RNF180: variants seen among roughly 807,000 people sequenced by gnomAD.
RNF180 encodes the protein E3 ubiquitin-protein ligase RNF180.
A neutral mutation model predicts 59.2 loss-of-function variants in RNF180; 38 were observed. The ratio of observed to expected loss-of-function variants is 0.64; its 90% CI spans 0.50 to 0.84. The LOEUF (loss-of-function observed/expected upper bound fraction) is 0.84. Ranked by LOEUF, RNF180 falls within the 40% of genes least tolerant of loss-of-function variation. The pLI is 0.00. For missense variants in RNF180, 705 were observed against 700.9 expected (o/e 1.01, Z -0.07); for synonymous variants, 262 against 240.3 (o/e 1.09, Z -0.84).
chr5:64,302,289 T>G lies in RNF180; in HGVS notation c.1228-22897T>G, dbSNP rs527278735. 4.6e-5 allele frequency among the ~76,000 whole-genome samples: 7 copies of G among 151,784 alleles called. 1 individual carries two copies. The highest frequency in any genetic ancestry group is 1.7e-4 in the African/African-American group (7 of 41,496). The stretch of plus-strand genomic sequence containing the variant: ...TAGCAATTTTGAAATCCCACTGATA[T>G]ATGTTGTGAAGGAATCCTACATTGT... On this transcript the variant is annotated intron_variant, in intron 5 of 7. Transcript: ENST00000389100.
intron 5 of RNF180, among the ~76,000 whole-genome samples, chr5:64,271,376 C>G (rs1204240368): frequency 6.6e-6 from 1 of 151,822 alleles, no homozygotes; most frequent in African/African-American, 2.4e-5. Flanking sequence ...ATTTTCATGA[C>G]CAAAGTATGA....
chr5:64,342,419 AC>A (rs370299307), intron 7 of RNF180, among the ~76,000 whole-genome samples: 157 of 152,262 alleles, frequency 1.0e-3, no homozygotes, highest in African/African-American at 3.6e-3. Flanking sequence ...AACCATAGAG[AC>A]TGACATGTCG....
At chr5:64,248,112 G>T (rs765084491) in intron 5 of RNF180, among the ~76,000 whole-genome samples, 1 of 152,024 alleles carries the variant, frequency 6.6e-6, no homozygotes, top group Non-Finnish European at 1.5e-5. Flanking sequence ...TTAACTCAAG[G>T]TGGATTAAAG....
At chr5:64,326,259 T>TA (rs200506742) in intron 6 of RNF180, among the ~76,000 whole-genome samples, 73 of 149,856 alleles carry the variant, frequency 4.9e-4, no homozygotes, top group African/African-American at 9.5e-4. Flanking sequence ...TTTATTCTGG[T>TA]AAAAAAAAAA....
chr5:64,272,127 G>A (rs1356241860), intron 5 of RNF180, among the ~76,000 whole-genome samples: 2 of 152,038 alleles, frequency 1.3e-5, no homozygotes, highest in Middle Eastern at 3.2e-3. Context: ...TAGTGAGAGT[G>A]GCACACATTA....
At chr5:64,222,288 T>C (rs1477913780) in intron 5 of RNF180, among the ~76,000 whole-genome samples, 6 of 149,460 alleles carry the variant, frequency 4.0e-5, no homozygotes, top group Non-Finnish European at 9.0e-5. Flanking sequence ...CTTCCAGCTA[T>C]GTTTTTTTTT....
At chr5:64,277,140 A>C (rs1361458680) in intron 5 of RNF180, among the ~76,000 whole-genome samples, 1 of 151,124 alleles carries the variant, frequency 6.6e-6, no homozygotes, top group African/African-American at 2.4e-5. Context: ...TTAAGGTTAA[A>C]TGAAGTTAGG....
chr5:64,186,256 A>C (rs2111976286), intron 1 of RNF180, among the ~76,000 whole-genome samples: 1 of 152,324 alleles, frequency 6.6e-6, no homozygotes, highest in Admixed American at 6.5e-5. Context: ...TGATACATCA[A>C]GAAGAATATA....
In RNF180 at chr5:64,174,909, T is replaced by C. The variant is rs149070871; in HGVS notation, c.-1+8956T>C. 6.4e-3 allele frequency among the ~76,000 whole-genome samples: 969 copies of C among 152,048 alleles called. 8 individuals carry two copies. The highest frequency in any genetic ancestry group is 9.3e-3 in the Non-Finnish European group (635 of 67,958). ...ATAAAGCATTTCCCTCATGTTTTCTTCTGGTAGTTTGATAGGTTCCGGTTT... is the reference window on the plus strand; with the variant it reads ...ATAAAGCATTTCCCTCATGTTTTCTCCTGGTAGTTTGATAGGTTCCGGTTT... On this transcript the variant is annotated intron_variant, in intron 1 of 7. Coordinates refer to ENST00000389100, the MANE Select transcript of RNF180 (RefSeq NM_001113561.2).
intron 7 of RNF180, among the ~76,000 whole-genome samples, chr5:64,339,023 T>C (rs1580277579): frequency 6.6e-6 from 1 of 152,104 alleles, no homozygotes; most frequent in South Asian, 2.1e-4. Context: ...TTTATATATC[T>C]TTTTGCTGAG....
intron 7 of RNF180, among the ~76,000 whole-genome samples, chr5:64,364,857 C>T (rs1460358354): frequency 6.6e-6 from 1 of 151,380 alleles, no homozygotes; most frequent in Non-Finnish European, 1.5e-5. Flanking sequence ...TGTATGCATA[C>T]AAGTGTCCGT....
chr5:64,208,576 G>A (rs974113585), intron 2 of RNF180, among the ~76,000 whole-genome samples: 5 of 151,886 alleles, frequency 3.3e-5, no homozygotes, highest in African/African-American at 1.2e-4. Flanking sequence ...AATTATATTG[G>A]AAATAAATAT....
At chr5:64,244,540 A>G (rs908771172) in intron 5 of RNF180, among the ~76,000 whole-genome samples, 2 of 152,212 alleles carry the variant, frequency 1.3e-5, no homozygotes, top group Non-Finnish European at 2.9e-5. Context: ...ACATTAGAGA[A>G]AAAAGAATGA....
At chr5:64,318,956 A>C (rs973579839) in intron 5 of RNF180, among the ~76,000 whole-genome samples, 2 of 152,142 alleles carry the variant, frequency 1.3e-5, no homozygotes, top group Non-Finnish European at 2.9e-5. Context: ...AACTCATAGA[A>C]TTGTGCAAAA....
chr5:64,215,807 A>G (rs1752591363), intron 4 of RNF180, among the ~76,000 whole-genome samples: 1 of 152,152 alleles, frequency 6.6e-6, no homozygotes, highest in Non-Finnish European at 1.5e-5. Context: ...AATAGAAATG[A>G]AAAAGAAGTA....
At chr5:64,291,656 T>G (rs1742594864) in intron 5 of RNF180, among the ~76,000 whole-genome samples, 1 of 151,988 alleles carries the variant, frequency 6.6e-6, no homozygotes, top group South Asian at 2.1e-4. Context: ...CTCGATCTCC[T>G]GACCTCATGA....
At chr5:64,253,942 T>C (rs576776830) in intron 5 of RNF180, among the ~76,000 whole-genome samples, 26 of 152,254 alleles carry the variant, frequency 1.7e-4, no homozygotes, top group African/African-American at 5.5e-4. Flanking sequence ...GCTATTTTAT[T>C]AAAAGTGAAC....
chr5:64,273,145 A>T (rs1457318691), intron 5 of RNF180, among the ~76,000 whole-genome samples: 2 of 151,886 alleles, frequency 1.3e-5, no homozygotes, highest in Non-Finnish European at 2.9e-5. Context: ...TTAGCATGCT[A>T]AAAAACACTC....
chr5:64,333,946 G>C (rs1358904958), intron 7 of RNF180, among the ~76,000 whole-genome samples: 1 of 152,096 alleles, frequency 6.6e-6, no homozygotes, highest in Admixed American at 6.5e-5. Context: ...AAGGAGTTAA[G>C]CCTTTAATCA....
Sources: gnomAD v4.1 joint callset for allele counts (sites outside exome capture counted in the v4.1 genomes callset) on GRCh38, gnomAD v4.1.1 for gene constraint, MANE v1.5 for transcripts, NCBI Gene and HGNC (gene_info 2026-07-23, HGNC 2026-07-21) for gene names.